The following PDE4D variants were observed in gnomAD, a reference collection of about 807,000 sequenced individuals.
The protein encoded by PDE4D is 3',5'-cyclic-AMP phosphodiesterase 4D.
PDE4D carries 24 observed loss-of-function variants against 87.4 expected under a neutral mutation model. The ratio of observed to expected loss-of-function variants is 0.27; its 90% CI spans 0.20 to 0.39. The LOEUF (loss-of-function observed/expected upper bound fraction) is 0.39, where lower values mean the gene tolerates loss of function less well. Among genes scored for constraint, PDE4D ranks in the 10% least tolerant of loss-of-function variants. The pLI is 1.00. For missense variants in PDE4D, 714 were observed against 1,041.0 expected (o/e 0.69, Z 4.32); for synonymous variants, 384 against 383.2 (o/e 1.00, Z -0.02).
intron 1 of PDE4D, among the ~76,000 whole-genome samples, chr5:59,278,460 A>G (rs961368197): frequency 6.6e-6 from 1 of 151,978 alleles, no homozygotes; most frequent in Non-Finnish European, 1.5e-5. Context: ...TGGACCTTTT[A>G]CTTTCTGGTT....
chr5:60,315,805 A>G (rs139818979), intron 1 of PDE4D, among the ~76,000 whole-genome samples: 12,476 of 150,534 alleles, frequency 0.083, 1,779 homozygotes, highest in African/African-American at 0.3. Context: ...GTAGATATGC[A>G]GCATTATTTC....
At chr5:59,185,665 T>C (rs1247979375) in intron 3 of PDE4D, among the ~76,000 whole-genome samples, 1 of 152,198 alleles carries the variant, frequency 6.6e-6, no homozygotes, top group African/African-American at 2.4e-5. Context: ...CTTCAAAAAT[T>C]GATGAAGAAT....
At chr5:59,097,388 C>T (rs766369736) in intron 5 of PDE4D, among the ~76,000 whole-genome samples, 6 of 152,154 alleles carry the variant, frequency 3.9e-5, no homozygotes, top group Admixed American at 2.0e-4. Context: ...TAGTGCTGGG[C>T]TTAGTCACAC....
chr5:59,241,450 G>A (rs1757658440), intron 1 of PDE4D, among the ~76,000 whole-genome samples: 1 of 152,204 alleles, frequency 6.6e-6, no homozygotes, highest in Non-Finnish European at 1.5e-5. Context: ...AAAGGTGATT[G>A]TCCTATTCCT....
At chr5:59,343,148 T>C (rs533255381) in intron 1 of PDE4D, among the ~76,000 whole-genome samples, 1 of 152,150 alleles carries the variant, frequency 6.6e-6, no homozygotes, top group South Asian at 2.1e-4. Flanking sequence ...TGTTCCCCCC[T>C]ATGTATCCAT....
At chr5:59,854,660 T>C (rs751644976) in intron 1 of PDE4D, among the ~76,000 whole-genome samples, 2 of 152,226 alleles carry the variant, frequency 1.3e-5, no homozygotes, top group Non-Finnish European at 2.9e-5. Context: ...CTTGAAATAA[T>C]ATGTGAGATT....
At chr5:59,650,684 G>A (rs915104157) in intron 1 of PDE4D, among the ~76,000 whole-genome samples, 1 of 152,126 alleles carries the variant, frequency 6.6e-6, no homozygotes, top group African/African-American at 2.4e-5. Flanking sequence ...CATCTACCAT[G>A]TTTAATGTTA....
At chr5:59,611,395 A>G (rs967228731) in intron 1 of PDE4D, among the ~76,000 whole-genome samples, 2 of 152,024 alleles carry the variant, frequency 1.3e-5, no homozygotes, top group African/African-American at 4.8e-5. Flanking sequence ...CAAAACAAGA[A>G]TTTTGGGAGG....
At chr5:59,928,592 G>T (rs1755542073) in intron 3 of PDE4D, among the ~76,000 whole-genome samples, 1 of 151,926 alleles carries the variant, frequency 6.6e-6, no homozygotes, top group African/African-American at 2.4e-5. Flanking sequence ...AAAAGAAAAA[G>T]AAAAAGAAAA....
intron 1 of PDE4D, among the ~76,000 whole-genome samples, chr5:59,639,343 T>C (rs895734404): frequency 3.9e-5 from 6 of 152,160 alleles, no homozygotes; most frequent in African/African-American, 1.4e-4. Flanking sequence ...AAATCTTCTG[T>C]TTTGGAAAGA....
At chr5:59,757,622 C>CA (rs1256310097) in intron 1 of PDE4D, among the ~76,000 whole-genome samples, 10 of 152,250 alleles carry the variant, frequency 6.6e-5, no homozygotes, top group Non-Finnish European at 1.2e-4. Context: ...ATCTTGTTAC[C>CA]AAGCAGTTTG....
At chr5:58,998,970 T>A (rs959079913) in intron 6 of PDE4D, among the ~76,000 whole-genome samples, 4 of 140,692 alleles carry the variant, frequency 2.8e-5, no homozygotes, top group African/African-American at 4.9e-5. Flanking sequence ...TTTGCAAGTA[T>A]AATAGACAAT....
rs555841091 is a variant in PDE4D at position 59,653,208 on chromosome 5, A to ATTT, written c.455+239957_455+239959dup. ...TCAAATAATGTTAGCAAAAAAAAAA[A>ATTT]TTTTTTTTTTTTTTTTTAGACAGAG... On this transcript the variant is annotated intron_variant, in intron 1 of 14. Transcript: ENST00000340635. Among the ~76,000 whole-genome samples the ATTT allele has an allele frequency of 2.1e-4, 26 of 125,724 alleles. 4 individuals carry two copies. Among genetic ancestry groups the ATTT allele is most frequent in the Non-Finnish European group, 2.9e-4 (18 of 62,178 alleles). The allele number at this position is 125,724 out of a possible 152,430, so 82.5% of individuals were successfully genotyped here. A position where few individuals can be genotyped will look rare whatever the true frequency, so the allele number is the denominator to read the frequency against.
At chr5:59,142,732 C>T (rs568628469) in intron 5 of PDE4D, among the ~76,000 whole-genome samples, 6 of 152,074 alleles carry the variant, frequency 3.9e-5, no homozygotes, top group Non-Finnish European at 1.5e-5. Flanking sequence ...GTTAGGAGAT[C>T]GAGTGAAACC....
chr5:59,919,243 T>C (rs1343079902), intron 3 of PDE4D, among the ~76,000 whole-genome samples: 1 of 152,204 alleles, frequency 6.6e-6, no homozygotes, highest in African/African-American at 2.4e-5. Context: ...TAATTGCCAA[T>C]GCCAGTCTAA....
At chr5:58,987,127 C>T (rs1364864197) in intron 11 of PDE4D, among the ~76,000 whole-genome samples, 2 of 152,162 alleles carry the variant, frequency 1.3e-5, no homozygotes, top group African/African-American at 4.8e-5. Flanking sequence ...CATGACCTCC[C>T]TGCTCTTCTT....
intron 1 of PDE4D, among the ~76,000 whole-genome samples, chr5:60,231,369 T>G (rs1214443868): frequency 3.9e-5 from 6 of 151,924 alleles, no homozygotes; most frequent in Non-Finnish European, 8.8e-5. Flanking sequence ...CAATAAGATA[T>G]AAACTTTGTG....
chr5:60,439,875 T>A (rs1051117571), intron 1 of PDE4D, among the ~76,000 whole-genome samples: 2 of 151,772 alleles, frequency 1.3e-5, no homozygotes, highest in African/African-American at 4.8e-5. Flanking sequence ...TATTATCTTT[T>A]TATTCCCCAG....
intron 2 of PDE4D, among the ~76,000 whole-genome samples, chr5:59,989,776 T>G (rs951836605): frequency 6.6e-6 from 1 of 152,142 alleles, no homozygotes; most frequent in Non-Finnish European, 1.5e-5. Flanking sequence ...CTAGCAATAT[T>G]TATTATATCC....
Sources: gnomAD v4.1 joint callset for allele counts (sites outside exome capture counted in the v4.1 genomes callset) on GRCh38, gnomAD v4.1.1 for gene constraint, MANE v1.5 for transcripts, NCBI Gene and HGNC (gene_info 2026-07-23, HGNC 2026-07-21) for gene names.